The following CLIC5 variants were observed in gnomAD, a reference collection of about 807,000 sequenced individuals.
CLIC5 encodes the protein chloride intracellular channel protein 5.
CLIC5 carries 20 observed loss-of-function variants against 24.7 expected under a neutral mutation model. The observed-to-expected ratio is 0.81, with a 90% CI of 0.57 to 1.18. The LOEUF (loss-of-function observed/expected upper bound fraction) is 1.18. Among genes scored for constraint, CLIC5 ranks in the 50% most tolerant of loss-of-function variants. The pLI, the probability that CLIC5 is intolerant of heterozygous loss-of-function variation, is 0.00. For synonymous variants in CLIC5, 159 were observed against 135.6 expected (o/e 1.17, Z -1.20); for missense variants, 341 against 326.1 (o/e 1.05, Z -0.35).
the CLIC5 span, among the ~76,000 whole-genome samples, chr6:46,092,072 A>T: frequency 6.6e-6 from 1 of 152,134 alleles, no homozygotes; most frequent in African/African-American, 2.4e-5. Context: ...AGGTGATAAC[A>T]ACTCTTAGGA....
At position 45,933,083 on chromosome 6, in the gene CLIC5, A is replaced by G. The variant is rs188498377; in HGVS notation, c.406+8464T>C. 1.8e-4 allele frequency among the ~76,000 whole-genome samples: 28 copies of G among 152,332 alleles called. No homozygotes were observed. In the East Asian group the frequency reaches 4.4e-3, roughly 24 times the overall value. On this transcript the variant is annotated intron_variant, in intron 4 of 5. Transcript: ENST00000339561. ...CAGGGACAATCAATTTTTCCAGAAT[A>G]AGCCCAGGGAGCTTCCAGGTTCCAG... is the stretch of plus-strand genomic sequence containing the variant.
intron 4 of CLIC5, among the ~76,000 whole-genome samples, chr6:45,940,496 C>T (rs1764091540): frequency 6.6e-6 from 1 of 152,220 alleles, no homozygotes; most frequent in Non-Finnish European, 1.5e-5. Context: ...TCTCTTTTAC[C>T]ATGCATAGCT....
chr6:46,018,233 T>G (rs757163755), upstream of CLIC5, among the ~76,000 whole-genome samples: 4 of 152,364 alleles, frequency 2.6e-5, no homozygotes, highest in African/African-American at 7.2e-5. Context: ...TTTGGTTTTT[T>G]GTTTTTTGTT....
At chr6:46,062,489 T>G (rs935745676) in intron 1 of CLIC5, among the ~76,000 whole-genome samples, 1 of 152,242 alleles carries the variant, frequency 6.6e-6, no homozygotes, top group African/African-American at 2.4e-5. Flanking sequence ...GCTGACAGCC[T>G]CTGACAGGCC....
chr6:45,888,984 A>C lies in CLIC5; in HGVS notation c.624-7796T>G, dbSNP rs1762327538. 2.0e-5 allele frequency among the ~76,000 whole-genome samples: 3 copies of C among 152,268 alleles called. No individual in the cohort carries two copies. In the South Asian group the frequency reaches 6.2e-4, roughly 32 times the overall value. On this transcript the variant is annotated intron_variant, in intron 6 of 6. Transcript: ENST00000644324. The stretch of plus-strand genomic sequence containing the variant: ...AATGGCTTTAGTGTCCATCAGAGGG[A>C]GACTAATCAAGTTGAGGAATATCTA...
intron 1 of CLIC5, among the ~76,000 whole-genome samples, chr6:46,010,300 A>C (rs1766759059): frequency 6.6e-6 from 1 of 152,126 alleles, no homozygotes; most frequent in Non-Finnish European, 1.5e-5. Context: ...AATAGGCCAG[A>C]TCCATACTCA....
chr6:46,127,779 A>G, the CLIC5 span, among the ~76,000 whole-genome samples: 2 of 152,194 alleles, frequency 1.3e-5, no homozygotes, highest in Non-Finnish European at 2.9e-5. Context: ...TTAGATTTGG[A>G]TATGTGACAC....
chr6:45,892,075 T>G (rs577063354), intron 6 of CLIC5: 38 of 152,302 alleles, frequency 2.5e-4, no homozygotes, highest in African/African-American at 8.9e-4. Flanking sequence ...TGACTTTATG[T>G]TTGATCATAT....
the CLIC5 span, among the ~76,000 whole-genome samples, chr6:46,108,026 C>A: frequency 2.2e-5 from 1 of 45,988 alleles, no homozygotes; most frequent in East Asian, 4.2e-4. Flanking sequence ...AAGAGCAAAA[C>A]TCCATCAAAA....
At chr6:45,991,809 A>G (rs1237195957) in intron 1 of CLIC5, among the ~76,000 whole-genome samples, 1 of 152,178 alleles carries the variant, frequency 6.6e-6, no homozygotes, top group Non-Finnish European at 1.5e-5. Flanking sequence ...TTAATGAGAC[A>G]GAATGTGAGG....
At chr6:45,909,492 ACTTG>A (rs1762755109) in intron 5 of CLIC5, among the ~76,000 whole-genome samples, 1 of 152,098 alleles carries the variant, frequency 6.6e-6, no homozygotes, top group Admixed American at 6.6e-5. Flanking sequence ...TTCCCTTAGC[ACTTG>A]CTTGTCTGGA....
the CLIC5 span, among the ~76,000 whole-genome samples, chr6:46,118,893 G>T: frequency 6.6e-6 from 1 of 152,156 alleles, no homozygotes; most frequent in Non-Finnish European, 1.5e-5. Flanking sequence ...GAGAAGGGGA[G>T]ATATTATCTT....
intron 1 of CLIC5, among the ~76,000 whole-genome samples, chr6:46,045,282 G>A (rs542692637): frequency 6.6e-6 from 1 of 151,994 alleles, no homozygotes; most frequent in African/African-American, 2.4e-5. Context: ...GAAAAGATTG[G>A]CTTCTATAAT....
At chr6:46,056,153 T>G (rs1228678712) in intron 1 of CLIC5, among the ~76,000 whole-genome samples, 1 of 152,166 alleles carries the variant, frequency 6.6e-6, no homozygotes, top group Non-Finnish European at 1.5e-5. Context: ...AGGAAAGTAA[T>G]TTGACTAAGA....
intron 1 of CLIC5, among the ~76,000 whole-genome samples, chr6:45,970,592 C>T (rs1337978158): frequency 6.6e-6 from 1 of 152,188 alleles, no homozygotes; most frequent in East Asian, 1.9e-4. Context: ...CAGGCCCTCA[C>T]CCAGGAAGCC....
At chr6:46,010,003 T>C (rs1393185580) in intron 1 of CLIC5, among the ~76,000 whole-genome samples, 6 of 152,072 alleles carry the variant, frequency 3.9e-5, no homozygotes, top group African/African-American at 1.4e-4. Context: ...TCAGATCCAG[T>C]GGTGGTTGCA....
chr6:46,103,574 T>C, the CLIC5 span, among the ~76,000 whole-genome samples: 2 of 152,152 alleles, frequency 1.3e-5, no homozygotes, highest in Non-Finnish European at 2.9e-5. Flanking sequence ...CCATAATGCA[T>C]TTTGCCACCA....
chr6:45,979,985 C>G (rs986869546), intron 1 of CLIC5, among the ~76,000 whole-genome samples: 1 of 78,986 alleles, frequency 1.3e-5, no homozygotes, highest in East Asian at 4.8e-4. Flanking sequence ...AGGTTGATGT[C>G]TAGAATGGCA....
chr6:45,896,518 C>A (rs1419571658), downstream of CLIC5, among the ~76,000 whole-genome samples: 1 of 152,230 alleles, frequency 6.6e-6, no homozygotes, highest in African/African-American at 2.4e-5. Context: ...CTTCCTACCT[C>A]TCCAGTCTAA....
Sources: allele counts gnomAD v4.1 joint callset (sites outside exome capture counted in the v4.1 genomes callset), GRCh38; gene constraint gnomAD v4.1.1; transcripts MANE v1.5; gene names NCBI Gene and HGNC (gene_info 2026-07-23, HGNC 2026-07-21).